The following COL22A1 variants were observed in gnomAD, a reference collection of about 807,000 sequenced individuals.
COL22A1 encodes collagen type XXII alpha 1 chain, also known as collagen alpha-1(XXII) chain.
COL22A1 carries 221 observed loss-of-function variants against 248.9 expected under a neutral mutation model. The ratio of observed to expected loss-of-function variants is 0.89; its 90% CI spans 0.80 to 0.99. The LOEUF (loss-of-function observed/expected upper bound fraction) is 0.99, where lower values mean the gene tolerates loss of function less well. Ranked by LOEUF, COL22A1 falls within the 50% of genes least tolerant of loss-of-function variation. The pLI is 0.00. For synonymous variants in COL22A1, 891 were observed against 793.4 expected (o/e 1.12, Z -2.07); for missense variants, 2,240 against 2,179.0 (o/e 1.03, Z -0.56).
chr8:138,727,255 C>T (rs1051011239), intron 23 of COL22A1, among the ~76,000 whole-genome samples: 1 of 152,028 alleles, frequency 6.6e-6, no homozygotes, highest in Admixed American at 6.6e-5. Context: ...CTGGATACCC[C>T]CTCCCCTCCC....
At position 138,741,271 on chromosome 8, in the gene COL22A1, T is replaced by C. The variant is rs376374414; in HGVS notation, c.2086-3694A>G. 3.7e-4 allele frequency among the ~76,000 whole-genome samples: 57 copies of C among 152,316 alleles called. 1 individual carries two copies. The East Asian group carries it at 8.3e-3, about 22-fold the overall frequency. On this transcript the variant is annotated intron_variant, in intron 22 of 64. Coordinates refer to ENST00000303045, the MANE Select transcript of COL22A1 (RefSeq NM_152888.3). ...AACAGCTCAAATGATGAGAAATAAA[T>C]ACTTGAGTCATGGATTTCCTGGGGC...
chr8:138,872,709 G>A (rs760351866), intron 3 of COL22A1, among the ~76,000 whole-genome samples: 145 of 152,352 alleles, frequency 9.5e-4, no homozygotes, highest in Non-Finnish European at 1.7e-3. Flanking sequence ...GTCAGGCAAT[G>A]GAGAAGCAGG....
At chr8:138,644,962 G>T (rs942835203) in intron 47 of COL22A1, among the ~76,000 whole-genome samples, 2 of 152,168 alleles carry the variant, frequency 1.3e-5, no homozygotes, top group Non-Finnish European at 2.9e-5. Context: ...CCTGAGACAG[G>T]ACAGGTAGTC....
chr8:138,670,960 CAAAA>C (rs60845059), intron 41 of COL22A1, among the ~76,000 whole-genome samples: 972 of 55,416 alleles, frequency 0.018, 24 homozygotes, highest in African/African-American at 0.053. Flanking sequence ...GACCTTGTCT[CAAAA>C]AAAAAAAAAA....
intron 30 of COL22A1, among the ~76,000 whole-genome samples, chr8:138,707,872 T>C (rs1376890573): frequency 5.9e-5 from 9 of 152,184 alleles, no homozygotes; most frequent in Admixed American, 1.3e-4. Context: ...GACATGATTG[T>C]ATATTTAGAA....
At chr8:138,665,589 C>T (rs189556823) in intron 41 of COL22A1, among the ~76,000 whole-genome samples, 233 of 152,304 alleles carry the variant, frequency 1.5e-3, no homozygotes, top group African/African-American at 5.3e-3. Flanking sequence ...AACTTCTGGG[C>T]ACCCAGAAAG....
chr8:138,864,272 C>T (rs1172547791), intron 3 of COL22A1, among the ~76,000 whole-genome samples: 2 of 152,058 alleles, frequency 1.3e-5, no homozygotes, highest in African/African-American at 4.8e-5. Flanking sequence ...TTCCTGGGGT[C>T]TCCTGGGCCC....
At chr8:138,620,539 T>A (rs1329107257) in intron 52 of COL22A1, 2 of 152,222 alleles carry the variant, frequency 1.3e-5, no homozygotes, top group Admixed American at 6.5e-5. Flanking sequence ...ATCTGTAAAT[T>A]TGGGACAGTC....
At chr8:138,832,752 T>C (rs1248175434) in intron 5 of COL22A1, among the ~76,000 whole-genome samples, 1 of 152,194 alleles carries the variant, frequency 6.6e-6, no homozygotes, top group Non-Finnish European at 1.5e-5. Context: ...ATTTCATGAA[T>C]GGACAGAAAA....
At chr8:138,652,954 C>T (rs1822893763) in intron 45 of COL22A1, among the ~76,000 whole-genome samples, 1 of 151,728 alleles carries the variant, frequency 6.6e-6, no homozygotes, top group African/African-American at 2.4e-5. Context: ...CCCAAGTTGG[C>T]CAGGCTGATC....
At chr8:138,708,464 G>A (rs1244771579) in intron 30 of COL22A1, among the ~76,000 whole-genome samples, 1 of 152,146 alleles carries the variant, frequency 6.6e-6, no homozygotes, top group Admixed American at 6.5e-5. Context: ...ACAGAACAGA[G>A]CCCTCAGAAA....
At chr8:138,679,802 G>C in intron 39 of COL22A1, 126 bp from the exon 40 acceptor site, 2 of 843,108 alleles carry the variant, frequency 2.4e-6, no homozygotes, top group Non-Finnish European at 2.0e-6. Flanking sequence ...CCAGATTAGG[G>C]TCTGGCACAG....
chr8:138,677,510 C>T (rs76768934), intron 40 of COL22A1, among the ~76,000 whole-genome samples: 33,999 of 151,954 alleles, frequency 0.22, 4,071 homozygotes, highest in African/African-American at 0.32. Context: ...CAAGGCCGAG[C>T]CACGCCTTAT....
chr8:138,873,109 C>T (rs749318136), intron 3 of COL22A1, among the ~76,000 whole-genome samples: 1 of 152,086 alleles, frequency 6.6e-6, no homozygotes, highest in Non-Finnish European at 1.5e-5. Flanking sequence ...CAGTAGGTTC[C>T]GACAAAAGAA....
At chr8:138,896,583 G>T (rs2132134043) in intron 1 of COL22A1, among the ~76,000 whole-genome samples, 1 of 152,294 alleles carries the variant, frequency 6.6e-6, no homozygotes, top group African/African-American at 2.4e-5. Context: ...TAAGGAATGA[G>T]GAAGTAAATG....
chr8:138,710,948 G>T (rs1828912774), intron 30 of COL22A1, among the ~76,000 whole-genome samples: 1 of 152,152 alleles, frequency 6.6e-6, no homozygotes. Context: ...ATATGAATGG[G>T]TATCAATGAG....
At position 138,589,211 on chromosome 8, in the gene COL22A1, G is replaced by T; in HGVS notation, c.*42C>A. ...GCTTCCCACTGGGCTCTGAGTTCAA[G>T]TTTCAGAAATCCACTGCAGTCTTCT... is the stretch of plus-strand genomic sequence containing the variant. On this transcript the variant is annotated 3_prime_UTR_variant, in exon 65 of 65. Transcript: ENST00000303045. 1 of 1,597,254 alleles carries T rather than the reference G, an allele frequency of 6.3e-7. No individual in the cohort carries two copies. The highest frequency in any genetic ancestry group is 8.6e-7 in the Non-Finnish European group (1 of 1,169,180).
chr8:138,669,151 G>A (rs1824788305), intron 41 of COL22A1, among the ~76,000 whole-genome samples: 1 of 152,192 alleles, frequency 6.6e-6, no homozygotes, highest in African/African-American at 2.4e-5. Flanking sequence ...GGCTTTAGGA[G>A]GACAGCTGTG....
In COL22A1 at chr8:138,839,343, G is replaced by A. The variant is rs566275808; in HGVS notation, c.733+4741C>T. ...GCTGGGAATAGGGTGGGCTGGTGCC[G>A]GTCAGGCTGGGCTTTTGTCGGCTCC... On this transcript the variant is annotated intron_variant, in intron 4 of 64. Transcript: ENST00000303045. 1.1e-4 allele frequency among the ~76,000 whole-genome samples: 16 copies of A among 152,236 alleles called. No individual in the cohort carries two copies. The South Asian group carries it at 1.5e-3, about 14-fold the overall frequency.
Sources: allele counts gnomAD v4.1 joint callset (sites outside exome capture counted in the v4.1 genomes callset), GRCh38; gene constraint gnomAD v4.1.1; transcripts MANE v1.5; gene names NCBI Gene and HGNC (gene_info 2026-07-23, HGNC 2026-07-21).